SLC13A1: variants seen among roughly 807,000 people sequenced by gnomAD.
The protein encoded by SLC13A1 is solute carrier family 13 member 1.
A neutral mutation model predicts 70.0 loss-of-function variants in SLC13A1; 65 were observed. The ratio of observed to expected loss-of-function variants is 0.93; its 90% CI spans 0.76 to 1.14. The LOEUF (loss-of-function observed/expected upper bound fraction) is 1.14. SLC13A1 is among the 50% of genes most tolerant of loss of function. The probability of loss-of-function intolerance (pLI) is 0.00; values close to 1 mark genes in which losing one functional copy is unlikely to be tolerated. For synonymous variants in SLC13A1, 275 were observed against 250.5 expected, an observed-to-expected ratio of 1.10 and a Z score of -0.92; for missense variants, 726 against 717.8, an observed-to-expected ratio of 1.01 and a Z score of -0.13.
At chr7:123,152,614 T>A (rs1794593185) in intron 6 of SLC13A1, among the ~76,000 whole-genome samples, 3 of 152,128 alleles carry the variant, frequency 2.0e-5, no homozygotes, top group Admixed American at 6.6e-5. Flanking sequence ...CTAAAAGTCA[T>A]CATAGATATG....
chr7:123,198,767 T>A (rs1166669594), intron 1 of SLC13A1, among the ~76,000 whole-genome samples: 1 of 152,018 alleles, frequency 6.6e-6, no homozygotes, highest in African/African-American at 2.4e-5. Flanking sequence ...TAACCTCGAT[T>A]AGTACTTGTT....
At position 123,171,811 on chromosome 7, in the gene SLC13A1, T is replaced by C. The variant is rs902744053; in HGVS notation, c.322A>G (p.Ile108Val). The change falls in exon 3 of 15, where the codon ATT becomes GTT. Residue 108 changes from isoleucine to valine, a missense_variant. Transcript: ENST00000194130. Reference protein sequence around the residue: ...SIEKWNLHKRIALKMVMMVGV... With the variant: ...SIEKWNLHKRVALKMVMMVGV... ...ACCATCATCACCATTTTCAGAGCAA[T>C]TCTCTTGTGCAAATTCCATTTTTCT... The C allele has an allele frequency of 6.2e-7, 1 of 1,613,934 alleles. No homozygotes were observed. Among genetic ancestry groups the C allele is most frequent in the Non-Finnish European group, 8.5e-7 (1 of 1,179,904 alleles).
At chr7:123,148,914 G>T (rs1245988513) in intron 6 of SLC13A1, among the ~76,000 whole-genome samples, 1 of 152,132 alleles carries the variant, frequency 6.6e-6, no homozygotes, top group Non-Finnish European at 1.5e-5. Flanking sequence ...AGGATTAGGA[G>T]AAGTCTTATT....
At chr7:123,164,734 A>G (rs1409940582) in intron 6 of SLC13A1, among the ~76,000 whole-genome samples, 2 of 151,956 alleles carry the variant, frequency 1.3e-5, no homozygotes, top group Non-Finnish European at 2.9e-5. Context: ...AGTTAGAAAG[A>G]CCTCAAATTA....
chr7:123,179,870 A>C (rs1795582380), intron 2 of SLC13A1, among the ~76,000 whole-genome samples: 1 of 152,128 alleles, frequency 6.6e-6, no homozygotes, highest in Admixed American at 6.6e-5. Flanking sequence ...AAGGGTTAAA[A>C]ATTTGACACC....
chr7:123,186,623 G>A (rs1795811013), intron 1 of SLC13A1: 1 of 422,558 alleles, frequency 2.4e-6, no homozygotes, highest in Non-Finnish European at 4.8e-6. Flanking sequence ...AGAGAACGAT[G>A]GTAAAACAGC....
At chr7:123,140,467 T>C (rs1041869511) in intron 7 of SLC13A1, among the ~76,000 whole-genome samples, 4 of 152,078 alleles carry the variant, frequency 2.6e-5, no homozygotes, top group Non-Finnish European at 5.9e-5. Context: ...AAGTATTCCC[T>C]CCTATATTTT....
At chr7:123,167,259 T>A (rs1199943087) in intron 6 of SLC13A1, among the ~76,000 whole-genome samples, 1 of 152,220 alleles carries the variant, frequency 6.6e-6, no homozygotes, top group African/African-American at 2.4e-5. Context: ...TTCTATAACA[T>A]ACCTGGCATA....
In SLC13A1 at chr7:123,115,670, A is replaced by G. The variant is rs774267025; in HGVS notation, c.1651-15T>C. On this transcript the variant is annotated splice_polypyrimidine_tract_variant and intron_variant, in intron 14 of 14. Transcript: ENST00000194130. Reference sequence around the variant, plus strand: ...CCAGCTTTAACCTTGAACAGGAAAGAGCATAAATGTCAGTGTCCCAGAAGA... The same window carrying G: ...CCAGCTTTAACCTTGAACAGGAAAGGGCATAAATGTCAGTGTCCCAGAAGA... 1 of 1,612,702 alleles carries G rather than the reference A, an allele frequency of 6.2e-7. No individual in the cohort carries two copies. The highest frequency in any genetic ancestry group is 1.3e-5 in the African/African-American group (1 of 74,916).
rs1384774753 is a variant in SLC13A1, at chr7:123,115,408, C to T, written c.*110G>A. 8.7e-7 allele frequency: 1 copy of T among 1,145,964 alleles called. No homozygotes were observed. The highest frequency in any genetic ancestry group is 1.3e-6 in the Non-Finnish European group (1 of 798,648). 71.0% of individuals were successfully genotyped at this position (1,145,964 alleles called of 1,614,324 possible). ...GTATTCACAGGAATTGCAGCAGCTACACCATAACTGATTTAAATGTGTGTC... is the reference window on the plus strand; with the variant it reads ...GTATTCACAGGAATTGCAGCAGCTATACCATAACTGATTTAAATGTGTGTC... On this transcript the variant is annotated 3_prime_UTR_variant, in exon 15 of 15. Coordinates refer to ENST00000194130, the MANE Select transcript of SLC13A1 (RefSeq NM_022444.4).
intron 12 of SLC13A1, among the ~76,000 whole-genome samples, chr7:123,121,769 T>A (rs1793389210): frequency 6.6e-6 from 1 of 152,162 alleles, no homozygotes; most frequent in African/African-American, 2.4e-5. Flanking sequence ...CACTGTTCTG[T>A]TCCCAACTAG....
intron 13 of SLC13A1, among the ~76,000 whole-genome samples, chr7:123,118,164 A>G (rs888045611): frequency 3.3e-5 from 5 of 152,088 alleles, no homozygotes; most frequent in African/African-American, 1.2e-4. Context: ...AGCAGTTCTC[A>G]TTACACTAAT....
chr7:123,137,795 T>G (rs1057086508), intron 7 of SLC13A1, among the ~76,000 whole-genome samples: 2 of 152,118 alleles, frequency 1.3e-5, no homozygotes, highest in Non-Finnish European at 2.9e-5. Context: ...TGTGGGTACA[T>G]AGTTGGTGTA....
intron 1 of SLC13A1, among the ~76,000 whole-genome samples, chr7:123,184,696 C>A (rs1327493840): frequency 2.0e-5 from 3 of 151,522 alleles, no homozygotes; most frequent in African/African-American, 4.8e-5. Flanking sequence ...TGTATACATA[C>A]CATATTTTCT....
At chr7:123,159,859 C>T (rs910246205) in intron 6 of SLC13A1, among the ~76,000 whole-genome samples, 1 of 151,938 alleles carries the variant, frequency 6.6e-6, no homozygotes, top group African/African-American at 2.4e-5. Context: ...AAAAGAGATA[C>T]ACCTAAAATA....
rs1342166848 is a variant in SLC13A1 at position 123,125,642 on chromosome 7, A to G, written c.1167T>C (p.Ala389=). 4 of 1,613,442 alleles carry G rather than the reference A, an allele frequency of 2.5e-6. No homozygotes were observed. Among genetic ancestry groups the G allele is most frequent in the Admixed American group, 3.3e-5 (2 of 59,928 alleles). Residue 389 remains alanine, a synonymous_variant, in exon 11 of 15, where the codon GCT becomes GCC. Transcript: ENST00000194130. ...YPGFATDSTV[A]LLIGLLFFLI... ...GAAAGAATAGCAGCCCTATAAGTAA[A>G]GCAACAGTTGAATCTGTAGCAAAAC...
At chr7:123,160,479 A>G (rs1313982922) in intron 6 of SLC13A1, among the ~76,000 whole-genome samples, 2 of 152,116 alleles carry the variant, frequency 1.3e-5, no homozygotes, top group African/African-American at 4.8e-5. Flanking sequence ...GAAGAAATAG[A>G]ATACCTGCAT....
At chr7:123,146,932 C>T (rs929722759) in intron 7 of SLC13A1, among the ~76,000 whole-genome samples, 1 of 152,184 alleles carries the variant, frequency 6.6e-6, no homozygotes, top group Non-Finnish European at 1.5e-5. Context: ...GAGTTATCCC[C>T]TCTGAGCTGA....
chr7:123,129,039 GAACACTA>G, intron 9 of SLC13A1, 93 bp from the exon 10 acceptor site: 2 of 845,924 alleles, frequency 2.4e-6, no homozygotes, highest in Admixed American at 4.0e-5. Context: ...GATCGCAGTA[GAACACTA>G]AACACTGTAA....
Sources: allele counts gnomAD v4.1 joint callset (sites outside exome capture counted in the v4.1 genomes callset), GRCh38; gene constraint gnomAD v4.1.1; transcripts MANE v1.5; gene names NCBI Gene and HGNC (gene_info 2026-07-23, HGNC 2026-07-21).